The following AGPAT4 variants were observed in gnomAD, a reference collection of about 807,000 sequenced individuals.
AGPAT4 encodes 1-acylglycerol-3-phosphate O-acyltransferase 4.
A neutral mutation model predicts 48.0 loss-of-function variants in AGPAT4; 15 were observed. The ratio of observed to expected loss-of-function variants is 0.31; its 90% CI spans 0.21 to 0.48. The LOEUF (loss-of-function observed/expected upper bound fraction) is 0.48, where lower values mean the gene tolerates loss of function less well. Ranked by LOEUF, AGPAT4 falls within the 20% of genes least tolerant of loss-of-function variation. The pLI, the probability that AGPAT4 is intolerant of heterozygous loss-of-function variation, is 0.99. For synonymous variants in AGPAT4, 178 were observed against 198.7 expected (o/e 0.90, Z 0.88); for missense variants, 314 against 482.5 (o/e 0.65, Z 3.27).
intron 2 of AGPAT4, among the ~76,000 whole-genome samples, chr6:161,228,660 G>GGAAAAAAAAAAAAAAAAAA (rs1562347784): frequency 5.7e-5 from 3 of 53,018 alleles, no homozygotes; most frequent in Non-Finnish European, 1.0e-4. Flanking sequence ...TGTCAGAGAG[G>GGAAAAAAAAAAAAAAAAAA]TAAAAAAAAA....
intron 2 of AGPAT4, among the ~76,000 whole-genome samples, chr6:161,193,153 C>T (rs1436522994): frequency 6.6e-6 from 1 of 152,214 alleles, no homozygotes; most frequent in Non-Finnish European, 1.5e-5. Flanking sequence ...GAAGGACATA[C>T]TTAATCTCTT....
intron 2 of AGPAT4, among the ~76,000 whole-genome samples, chr6:161,179,150 A>T (rs1583306310): frequency 6.6e-6 from 1 of 152,194 alleles, no homozygotes; most frequent in East Asian, 1.9e-4. Context: ...AACAAAACTC[A>T]GGGGGCCATA....
Position 161,217,691 on chromosome 6 carries a change from C to A in AGPAT4, c.178+14345G>T, listed in dbSNP as rs1196490464. 6.6e-6 allele frequency among the ~76,000 whole-genome samples: 1 copy of A among 152,148 alleles called. No homozygotes were observed. Among genetic ancestry groups the A allele is most frequent in the Non-Finnish European group, 1.5e-5 (1 of 68,020 alleles). On this transcript the variant is annotated intron_variant, in intron 2 of 8. Coordinates refer to ENST00000320285, the MANE Select transcript of AGPAT4 (RefSeq NM_020133.3). This position sits in a 1 kb window ranked among gnomAD's most constrained non-coding sequence, Gnocchi z 4.9. ...CTCATTTATGAACATCATAATTACC[C>A]TGGTGAAAGGACTGGCTGGGAGAGG...
intron 3 of AGPAT4, among the ~76,000 whole-genome samples, chr6:161,162,458 C>A (rs1779965386): frequency 6.6e-6 from 1 of 152,232 alleles, no homozygotes; most frequent in African/African-American, 2.4e-5. Context: ...CCGGGAAACA[C>A]TGTGTTTTAA....
At position 161,151,836 on chromosome 6, in the gene AGPAT4, C is replaced by T. The variant is rs533022322; in HGVS notation, c.664+1510G>A. The stretch of plus-strand genomic sequence containing the variant: ...GAGCGCAGCAGCCTGGGAGGTGGAG[C>T]GGGGGACGAGCAATGGGGGCATCCT... On this transcript the variant is annotated intron_variant, in intron 5 of 8. Transcript: ENST00000320285. 7.2e-5 allele frequency among the ~76,000 whole-genome samples: 11 copies of T among 152,234 alleles called. No individual in the cohort carries two copies. The South Asian group carries it at 1.0e-3, about 14-fold the overall frequency.
Position 161,214,941 on chromosome 6 carries a change from T to C in AGPAT4, c.178+17095A>G, listed in dbSNP as rs1781605116. Among the ~76,000 whole-genome samples, 1 of 152,226 alleles carries C rather than the reference T, an allele frequency of 6.6e-6. No individual in the cohort carries two copies. The highest frequency in any genetic ancestry group is 1.5e-5 in the Non-Finnish European group (1 of 68,032). ...ACGTTGACCTCCAAACCTGTTCTGC[T>C]GGCCTGCCTTAGATAAGACTGAGAC... On this transcript the variant is annotated intron_variant, in intron 2 of 8. Transcript: ENST00000320285. This position sits in a 1 kb window ranked among gnomAD's most constrained non-coding sequence, Gnocchi z 5.4.
rs112253120 is a variant in AGPAT4, at chr6:161,149,092, C to T, written c.767+95G>A. On this transcript the variant is annotated intron_variant, in intron 6 of 8. Transcript: ENST00000320285. The surrounding 1 kb of genome is among the most constrained non-coding windows in gnomAD (Gnocchi z 6.5). ...CAGACTGCAAAGAAGTCAGTGTGAC[C>T]CAGGGATCCCTGGAAGAAAGTCTCT... is the stretch of plus-strand genomic sequence containing the variant. The T allele has an allele frequency of 6.8e-7, 1 of 1,477,006 alleles. No homozygotes were observed. The highest frequency in any genetic ancestry group is 9.0e-7 in the Non-Finnish European group (1 of 1,110,206). 91.5% of individuals were successfully genotyped at this position (1,477,006 alleles called of 1,614,324 possible). A position where few individuals can be genotyped will look rare whatever the true frequency, so the allele number is the denominator to read the frequency against.
chr6:161,135,378 T>TA lies in AGPAT4; in HGVS notation c.*1161_*1162insT, dbSNP rs1779033444. The TA allele has an allele frequency of 6.6e-6, 1 of 152,278 alleles. No homozygotes were observed. The highest frequency in any genetic ancestry group is 1.5e-5 in the Non-Finnish European group (1 of 68,048). The allele number at this position is 152,278 out of a possible 1,614,324, so 9.4% of individuals were successfully genotyped here. ...TAGCACTGCTTTTAGTTTCTTCTTC[T>TA]TTTGCATTTTTGGCACCTGTTGGCT... is the stretch of plus-strand genomic sequence containing the variant. On this transcript the variant is annotated 3_prime_UTR_variant, in exon 9 of 9. Transcript: ENST00000320285.
rs1782238263 is a variant in AGPAT4, at chr6:161,235,118, G to T, written c.-89-2816C>A. Among the ~76,000 whole-genome samples the T allele has an allele frequency of 6.6e-6, 1 of 152,012 alleles. No individual in the cohort carries two copies. The highest frequency in any genetic ancestry group is 1.5e-5 in the Non-Finnish European group (1 of 68,024). The stretch of plus-strand genomic sequence containing the variant: ...GTGGGGTGGTTGCATGTGGGCTTGA[G>T]AGTTCAACTGCCCAAGTTTGCAGCT... On this transcript the variant is annotated intron_variant, in intron 1 of 8. Transcript: ENST00000320285. This position sits in a 1 kb window ranked among gnomAD's most constrained non-coding sequence, Gnocchi z 6.2.
rs566586607 is a variant in AGPAT4 at position 161,264,574 on chromosome 6, C to A, written c.-90+9364G>T. ...GGCGTGCCCGCGCATCCCTGCCCTGCAAGTCTTATCCACTGCGTGGGAACC... is the reference window on the plus strand; with the variant it reads ...GGCGTGCCCGCGCATCCCTGCCCTGAAAGTCTTATCCACTGCGTGGGAACC... On this transcript the variant is annotated intron_variant, in intron 1 of 8. Transcript: ENST00000320285. This position sits in a 1 kb window ranked among gnomAD's most constrained non-coding sequence, Gnocchi z 6.8. Among the ~76,000 whole-genome samples the A allele has an allele frequency of 6.6e-6, 1 of 152,230 alleles. No homozygotes were observed. The highest frequency in any genetic ancestry group is 2.4e-5 in the African/African-American group (1 of 41,464).
chr6:161,219,932 A>AGGC lies in AGPAT4; in HGVS notation c.178+12101_178+12103dup, dbSNP rs1286066744. On this transcript the variant is annotated intron_variant, in intron 2 of 8. Coordinates refer to ENST00000320285, the MANE Select transcript of AGPAT4 (RefSeq NM_020133.3). The surrounding 1 kb of genome is among the most constrained non-coding windows in gnomAD (Gnocchi z 4.9). ...GCAGGCAGGCGGCAGGCAGGCAGGC[A>AGGC]GGCAGGCAGGCAGGCAGACAGACAG... Among the ~76,000 whole-genome samples the AGGC allele has an allele frequency of 1.2e-4, 18 of 150,410 alleles. No individual in the cohort carries two copies. In the East Asian group the frequency reaches 2.2e-3, roughly 18 times the overall value.
rs1780459448 is a variant in AGPAT4, at chr6:161,177,471, A to C, written c.179-11054T>G. 6.6e-6 allele frequency among the ~76,000 whole-genome samples: 1 copy of C among 152,160 alleles called. No homozygotes were observed. The highest frequency in any genetic ancestry group is 1.5e-5 in the Non-Finnish European group (1 of 68,010). ...CTTGTGCATGTGTCACGTAGTTCTCAAGCCATGGTTTTCAGCTCCATCAGG... is the reference window on the plus strand; with the variant it reads ...CTTGTGCATGTGTCACGTAGTTCTCCAGCCATGGTTTTCAGCTCCATCAGG... On this transcript the variant is annotated intron_variant, in intron 2 of 8. Coordinates refer to ENST00000320285, the MANE Select transcript of AGPAT4 (RefSeq NM_020133.3). This position sits in a 1 kb window ranked among gnomAD's most constrained non-coding sequence, Gnocchi z 5.0.
Position 161,146,809 on chromosome 6 carries a change from A to C in AGPAT4, c.768-210T>G, listed in dbSNP as rs1779446240. Among the ~76,000 whole-genome samples, 4 of 152,340 alleles carry C rather than the reference A, an allele frequency of 2.6e-5. No individual in the cohort carries two copies. The South Asian group carries it at 8.3e-4, about 32-fold the overall frequency. On this transcript the variant is annotated intron_variant, in intron 6 of 8. Coordinates refer to ENST00000320285, the MANE Select transcript of AGPAT4 (RefSeq NM_020133.3). The surrounding 1 kb of genome is among the most constrained non-coding windows in gnomAD (Gnocchi z 7.1). ...ATGCAATTATGACCCACGAAGGAACAACCCAGGGGCCAATTCAATGGCACA... is the reference window on the plus strand; with the variant it reads ...ATGCAATTATGACCCACGAAGGAACCACCCAGGGGCCAATTCAATGGCACA...
rs1298200164 is a variant in AGPAT4, at chr6:161,133,660, G to GTCGAC, written c.*2879_*2880insGTCGA. On this transcript the variant is annotated 3_prime_UTR_variant, in exon 9 of 9. Transcript: ENST00000320285. ...TTCCCTGCTTCTATAAGCTGCAGGA[G>GTCGAC]TCGCCTAGGATATGGCCCGTCACGT... 6.6e-6 allele frequency: 1 copy of GTCGAC among 152,198 alleles called. No homozygotes were observed. Among genetic ancestry groups the GTCGAC allele is most frequent in the African/African-American group, 2.4e-5 (1 of 41,436 alleles). The allele number at this position is 152,198 out of a possible 1,614,324, so 9.4% of individuals were successfully genotyped here.
At chr6:161,203,377 CTTTCTT>C (rs1288840987) in intron 2 of AGPAT4, among the ~76,000 whole-genome samples, 13 of 77,612 alleles carry the variant, frequency 1.7e-4, no homozygotes, top group Admixed American at 1.4e-4. Context: ...TGTTCTTTTT[CTTTCTT>C]TTTTTTTTTT....
At position 161,204,403 on chromosome 6, in the gene AGPAT4, T is replaced by C. The variant is rs1781322589; in HGVS notation, c.178+27633A>G. The stretch of plus-strand genomic sequence containing the variant: ...ATTGTTTTATTGGATTTAATAGCGA[T>C]GCATGTCTCCAATTTAATACTTACA... On this transcript the variant is annotated intron_variant, in intron 2 of 8. Transcript: ENST00000320285. This position sits in a 1 kb window ranked among gnomAD's most constrained non-coding sequence, Gnocchi z 4.4. 6.6e-6 allele frequency among the ~76,000 whole-genome samples: 1 copy of C among 152,200 alleles called. No homozygotes were observed. The highest frequency in any genetic ancestry group is 1.5e-5 in the Non-Finnish European group (1 of 68,038).
intron 2 of AGPAT4, among the ~76,000 whole-genome samples, chr6:161,170,006 A>G (rs956129060): frequency 1.3e-5 from 2 of 152,156 alleles, no homozygotes; most frequent in Non-Finnish European, 2.9e-5. Context: ...TCTGAATCCC[A>G]GGCCAGGTGG....
In AGPAT4 at chr6:161,198,545, A is replaced by G. The variant is rs1781131563; in HGVS notation, c.179-32128T>C. 6.6e-6 allele frequency among the ~76,000 whole-genome samples: 1 copy of G among 152,222 alleles called. No individual in the cohort carries two copies. Among genetic ancestry groups the G allele is most frequent in the South Asian group, 2.1e-4 (1 of 4,828 alleles). ...GTGAGAAAAATAAACCAGGTGGCAA[A>G]CACTACCTTTATGGTAGAATTTAGA... On this transcript the variant is annotated intron_variant, in intron 2 of 8. Transcript: ENST00000320285. This position sits in a 1 kb window ranked among gnomAD's most constrained non-coding sequence, Gnocchi z 4.3.
intron 2 of AGPAT4, among the ~76,000 whole-genome samples, chr6:161,192,092 G>A (rs1182395768): frequency 2.9e-4 from 35 of 119,962 alleles, no homozygotes; most frequent in African/African-American, 9.3e-4. Flanking sequence ...CTTCCTTCTC[G>A]CCTTCTTTTG....
Sources: gnomAD v4.1 joint callset for allele counts (sites outside exome capture counted in the v4.1 genomes callset) on GRCh38, gnomAD v4.1.1 for gene constraint, Gnocchi (gnomAD v3.1) non-coding constraint, MANE v1.5 for transcripts, NCBI Gene and HGNC (gene_info 2026-07-23, HGNC 2026-07-21) for gene names.